Variants in POU2F2 observed in about 807,000 individuals in gnomAD.
POU2F2 encodes POU class 2 homeobox 2, also known as POU domain, class 2, transcription factor 2.
A neutral mutation model predicts 63.5 loss-of-function variants in POU2F2; 14 were observed. The ratio of observed to expected loss-of-function variants is 0.22; its 90% CI spans 0.15 to 0.34. The LOEUF (loss-of-function observed/expected upper bound fraction) is 0.34. Among genes scored for constraint, POU2F2 ranks in the 10% least tolerant of loss-of-function variants. The pLI, the probability that POU2F2 is intolerant of heterozygous loss-of-function variation, is 1.00. For missense variants in POU2F2, 607 were observed against 815.2 expected (o/e 0.74, Z 3.11); for synonymous variants, 306 against 348.6 (o/e 0.88, Z 1.36).
rs1006305335 is a variant in POU2F2 at position 42,089,207 on chromosome 19, AGAGAG to A, written c.*2045_*2049del. 1 of 152,166 alleles carries A rather than the reference AGAGAG, an allele frequency of 6.6e-6. No individual in the cohort carries two copies. Among genetic ancestry groups the A allele is most frequent in the African/African-American group, 2.4e-5 (1 of 41,308 alleles). 9.4% of individuals were successfully genotyped at this position (152,166 alleles called of 1,614,324 possible). A position where few individuals can be genotyped will look rare whatever the true frequency, so the allele number is the denominator to read the frequency against. The stretch of plus-strand genomic sequence containing the variant: ...ACAGAAAGAACAAGATTGAGAGAGA[AGAGAG>A]GAGAGCAAAGGGAGAGAGAGGAGAC... On this transcript the variant is annotated 3_prime_UTR_variant, in exon 15 of 15. Transcript: ENST00000692977.
chr19:42,142,553 T>G (rs1394601496), intron 2 of POU2F2, among the ~76,000 whole-genome samples: 4 of 148,248 alleles, frequency 2.7e-5, no homozygotes, highest in African/African-American at 7.5e-5. Flanking sequence ...GTTTGGGGGG[T>G]TTTTTATTTG....
Position 42,128,935 on chromosome 19 carries a change from C to T in POU2F2, c.28+3449G>A, listed in dbSNP as rs551409703. Among the ~76,000 whole-genome samples the T allele has an allele frequency of 1.0e-3, 152 of 151,932 alleles. No homozygotes were observed. The South Asian group carries it at 0.01, about 10-fold the overall frequency. On this transcript the variant is annotated intron_variant, in intron 1 of 14. Coordinates refer to ENST00000692977, the MANE Select transcript of POU2F2 (RefSeq NM_001394376.1). ...GCAACCTTTGCCTCCTGGGTTCAAG[C>T]GATTCTCCTGCCTCAGCCTCCCGAG...
intron 5 of POU2F2, among the ~76,000 whole-genome samples, chr19:42,100,751 A>C (rs2077106389): frequency 1.3e-5 from 2 of 152,056 alleles, no homozygotes; most frequent in South Asian, 4.1e-4. Flanking sequence ...ACTCTGTCTC[A>C]AAAATAAATA....
intron 7 of POU2F2, among the ~76,000 whole-genome samples, chr19:42,097,482 C>T (rs1002061346): frequency 2.0e-5 from 3 of 151,300 alleles, no homozygotes; most frequent in Non-Finnish European, 2.9e-5. Context: ...CAGGGGTGAC[C>T]ACTGCGCCCT....
chr19:42,107,505 T>G (rs948215235), intron 5 of POU2F2, among the ~76,000 whole-genome samples: 3 of 152,202 alleles, frequency 2.0e-5, no homozygotes, highest in African/African-American at 7.2e-5. Context: ...AAAGCAATCA[T>G]GAGTGAAAAC....
chr19:42,197,260 C>G (rs2035161053), upstream of POU2F2, among the ~76,000 whole-genome samples: 1 of 152,234 alleles, frequency 6.6e-6, no homozygotes, highest in Non-Finnish European at 1.5e-5. Flanking sequence ...TGCCCTCTCT[C>G]AGTCCATTTC....
At chr19:42,150,601 C>G (rs1043403588) in intron 2 of POU2F2, among the ~76,000 whole-genome samples, 1 of 151,360 alleles carries the variant, frequency 6.6e-6, no homozygotes, top group Non-Finnish European at 1.5e-5. Context: ...GGCCGGCGGC[C>G]GGCCTTCGCA....
chr19:42,116,504 A>C (rs778864213), intron 5 of POU2F2, among the ~76,000 whole-genome samples: 3 of 152,090 alleles, frequency 2.0e-5, no homozygotes, highest in Admixed American at 2.0e-4. Flanking sequence ...ATGATGTGGG[A>C]TATTCCTCCC....
Position 42,122,495 on chromosome 19 carries a change from C to T in POU2F2, c.94+16G>A, listed in dbSNP as rs2032756281. 1 of 1,610,908 alleles carries T rather than the reference C, an allele frequency of 6.2e-7. No individual in the cohort carries two copies. Among genetic ancestry groups the T allele is most frequent in the Non-Finnish European group, 8.5e-7 (1 of 1,178,042 alleles). On this transcript the variant is annotated intron_variant, in intron 2 of 14. Transcript: ENST00000692977. ...GCCCACGGTGACCCCTGCCCCCCTGCTCCCTGCCCACCCACCTGTGTGCTC... is the reference window on the plus strand; with the variant it reads ...GCCCACGGTGACCCCTGCCCCCCTGTTCCCTGCCCACCCACCTGTGTGCTC...
chr19:42,087,179 C>A lies in POU2F2; in HGVS notation c.*4078G>T, dbSNP rs966692671. 5.7e-4 allele frequency: 59 copies of A among 104,412 alleles called. No homozygotes were observed. The highest frequency in any genetic ancestry group is 2.0e-3 in the African/African-American group (54 of 27,672). 6.5% of individuals were successfully genotyped at this position (104,412 alleles called of 1,614,324 possible). ...AAATGGTTAAATCTTTGGTTTGTTT[C>A]TTTTTTCTCTTGGAGGCCTTTATCT... is the stretch of plus-strand genomic sequence containing the variant. On this transcript the variant is annotated 3_prime_UTR_variant, in exon 15 of 15. Transcript: ENST00000692977.
intron 1 of POU2F2, among the ~76,000 whole-genome samples, chr19:42,127,747 C>T (rs908905004): frequency 6.6e-6 from 1 of 152,104 alleles, no homozygotes; most frequent in African/African-American, 2.4e-5. Context: ...CTCTCTCCAG[C>T]TCCCCATACC....
At chr19:42,173,968 C>T (rs1297825887) in intron 1 of POU2F2, among the ~76,000 whole-genome samples, 1 of 152,280 alleles carries the variant, frequency 6.6e-6, no homozygotes, top group Admixed American at 6.5e-5. Context: ...CCTGTCACCC[C>T]CTGACATGGG....
chr19:42,165,454 C>T (rs1328262443), intron 1 of POU2F2, among the ~76,000 whole-genome samples: 3 of 152,216 alleles, frequency 2.0e-5, no homozygotes, highest in Non-Finnish European at 2.9e-5. Context: ...CTGGTCATGA[C>T]ACAGCTGGGA....
At position 42,092,687 on chromosome 19, in the gene POU2F2, T is replaced by C. The variant is rs2076766850; in HGVS notation, c.1265-417A>G. On this transcript the variant is annotated intron_variant, in intron 12 of 14. Transcript: ENST00000692977. The surrounding 1 kb of genome is among the most constrained non-coding windows in gnomAD (Gnocchi z 5.0). ...CCCAGACTCAGCCAGACTGCTGGGG[T>C]AGAAACTCCTGGCTCTGTCTCATCC... Among the ~76,000 whole-genome samples the C allele has an allele frequency of 6.6e-6, 1 of 151,856 alleles. No individual in the cohort carries two copies.
chr19:42,197,705 C>T (rs2035167847), upstream of POU2F2, among the ~76,000 whole-genome samples: 1 of 152,140 alleles, frequency 6.6e-6, no homozygotes, highest in Non-Finnish European at 1.5e-5. Context: ...TGTTTGGCCT[C>T]AGAAAGAACA....
intron 11 of POU2F2, among the ~76,000 whole-genome samples, chr19:42,094,695 T>G (rs1182246400): frequency 2.1e-4 from 32 of 152,218 alleles, no homozygotes; most frequent in Admixed American, 2.1e-3. Context: ...TACACACTGG[T>G]CCAGGAAGGC....
chr19:42,131,101 A>T (rs1376669868), intron 1 of POU2F2, among the ~76,000 whole-genome samples: 1 of 7,834 alleles, frequency 1.3e-4, no homozygotes, highest in Non-Finnish European at 2.2e-4. Context: ...CCACCACCCC[A>T]GCCCTGACCC....
intron 1 of POU2F2, among the ~76,000 whole-genome samples, chr19:42,185,224 CCT>C (rs917293683): frequency 6.6e-6 from 1 of 152,112 alleles, no homozygotes; most frequent in Non-Finnish European, 1.5e-5. Flanking sequence ...TCCATCTCCT[CCT>C]CTCTTCCCTG....
At chr19:42,135,629 G>T (rs1443337801), upstream of POU2F2, among the ~76,000 whole-genome samples, 1 of 151,274 alleles carries the variant, frequency 6.6e-6, no homozygotes, top group Admixed American at 6.6e-5. Flanking sequence ...CACTTTCCTG[G>T]CTTCTAGGCT....
Sources: gnomAD v4.1 joint callset for allele counts (sites outside exome capture counted in the v4.1 genomes callset) on GRCh38, gnomAD v4.1.1 for gene constraint, Gnocchi (gnomAD v3.1) non-coding constraint, MANE v1.5 for transcripts, NCBI Gene and HGNC (gene_info 2026-07-23, HGNC 2026-07-21) for gene names.